NRXN3: variants seen among roughly 807,000 people sequenced by gnomAD.
The protein encoded by NRXN3 is neurexin 3.
NRXN3 carries 32 observed loss-of-function variants against 137.6 expected under a neutral mutation model. The ratio of observed to expected loss-of-function variants is 0.23; its 90% confidence interval spans 0.18 to 0.31. The LOEUF is 0.31. Among genes scored for constraint, NRXN3 ranks in the 10% least tolerant of loss-of-function variants. The pLI, the probability that NRXN3 is intolerant of heterozygous loss-of-function variation, is 1.00. For missense variants in NRXN3, 1,574 were observed against 2,062.5 expected (o/e 0.76, Z 4.59); for synonymous variants, 798 against 784.5 (o/e 1.02, Z -0.29).
At chr14:78,206,186 C>T (rs966596145) in intron 1 of NRXN3, among the ~76,000 whole-genome samples, 2 of 152,146 alleles carry the variant, frequency 1.3e-5, no homozygotes, top group African/African-American at 4.8e-5. Flanking sequence ...CACTTTTTTC[C>T]TCTGACACCA....
intron 10 of NRXN3, among the ~76,000 whole-genome samples, chr14:78,859,231 C>T (rs780561122): frequency 3.3e-5 from 5 of 152,100 alleles, no homozygotes; most frequent in Non-Finnish European, 7.4e-5. Context: ...CCTGAGGCCT[C>T]CCCAGCCTTG....
chr14:78,464,845 G>A (rs1012510435), intron 4 of NRXN3, among the ~76,000 whole-genome samples: 7 of 152,082 alleles, frequency 4.6e-5, no homozygotes, highest in African/African-American at 1.2e-4. Context: ...GGCCATATAC[G>A]TAAATGCTAT....
intron 16 of NRXN3, among the ~76,000 whole-genome samples, chr14:79,598,631 G>A (rs2097888130): frequency 6.6e-6 from 1 of 152,196 alleles, no homozygotes; most frequent in Non-Finnish European, 1.5e-5. Flanking sequence ...TTGGCTAGAA[G>A]CCTAAGCAGA....
At chr14:79,458,728 G>C (rs2096288235) in intron 15 of NRXN3, among the ~76,000 whole-genome samples, 1 of 152,132 alleles carries the variant, frequency 6.6e-6, no homozygotes, top group Admixed American at 6.5e-5. Flanking sequence ...AAACTAGCAT[G>C]GTTATGAAAG....
At chr14:78,399,315 A>G (rs1482748967) in intron 4 of NRXN3, among the ~76,000 whole-genome samples, 1 of 152,192 alleles carries the variant, frequency 6.6e-6, no homozygotes, top group Non-Finnish European at 1.5e-5. Context: ...TATATATAGT[A>G]TCTAGAGTTT....
intron 4 of NRXN3, among the ~76,000 whole-genome samples, chr14:78,349,327 A>G (rs1399407922): frequency 6.6e-6 from 1 of 152,320 alleles, no homozygotes; most frequent in South Asian, 2.1e-4. Flanking sequence ...TCCTGGGGAT[A>G]CAGGACATTT....
At chr14:79,506,242 G>T (rs2096877139) in intron 16 of NRXN3, among the ~76,000 whole-genome samples, 2 of 152,166 alleles carry the variant, frequency 1.3e-5, no homozygotes, top group Admixed American at 6.5e-5. Flanking sequence ...CAAGAAGCAG[G>T]ATCACTGGAG....
rs80031072 is a variant in NRXN3 at position 78,427,694 on chromosome 14, C to T, written c.757+129834C>T. On this transcript the variant is annotated intron_variant, in intron 4 of 20. Coordinates refer to ENST00000335750, the MANE Select transcript of NRXN3 (RefSeq NM_001330195.2). ...ACATGGAGGCTGCATATCACTTAGA[C>T]TAAGTGGGACAGAGTCTCCCTTGGA... 5.7e-3 allele frequency among the ~76,000 whole-genome samples: 862 copies of T among 152,300 alleles called. 29 individuals are homozygous for T. The East Asian group carries it at 0.067, about 12-fold the overall frequency.
chr14:78,576,891 C>G (rs565038755), intron 4 of NRXN3, among the ~76,000 whole-genome samples: 7 of 152,136 alleles, frequency 4.6e-5, no homozygotes, highest in Non-Finnish European at 1.0e-4. Context: ...CTGAACCAAC[C>G]CCACTAATGG....
intron 10 of NRXN3, among the ~76,000 whole-genome samples, chr14:78,907,146 A>G (rs554052655): frequency 4.7e-4 from 71 of 152,058 alleles, no homozygotes; most frequent in Non-Finnish European, 8.7e-4. Context: ...TTTATTTACT[A>G]TTGAAATTGG....
chr14:78,978,051 G>T lies in NRXN3; in HGVS notation c.3142+9705G>T, dbSNP rs539388516. 5.9e-5 allele frequency among the ~76,000 whole-genome samples: 9 copies of T among 152,192 alleles called. No homozygotes were observed. In the East Asian group the frequency reaches 1.7e-3, roughly 29 times the overall value. ...ATTTTATACCCAACGTATTATGAGAGGGTTGAAGTGGTTGAAGAGAAAAGG... is the reference window on the plus strand; with the variant it reads ...ATTTTATACCCAACGTATTATGAGATGGTTGAAGTGGTTGAAGAGAAAAGG... On this transcript the variant is annotated intron_variant, in intron 14 of 20. Coordinates refer to ENST00000335750, the MANE Select transcript of NRXN3 (RefSeq NM_001330195.2).
chr14:78,446,756 G>C (rs890156218), intron 4 of NRXN3, among the ~76,000 whole-genome samples: 4 of 152,220 alleles, frequency 2.6e-5, no homozygotes, highest in Admixed American at 6.5e-5. Context: ...AGCTGCCCTG[G>C]TTAAAGATCG....
At chr14:78,465,438 T>C (rs1434135070) in intron 4 of NRXN3, among the ~76,000 whole-genome samples, 2 of 152,214 alleles carry the variant, frequency 1.3e-5, no homozygotes, top group Non-Finnish European at 2.9e-5. Context: ...ACTAGATCTA[T>C]AATATTATCC....
intron 4 of NRXN3, among the ~76,000 whole-genome samples, chr14:78,368,004 A>G (rs900031006): frequency 1.3e-5 from 2 of 152,256 alleles, no homozygotes; most frequent in African/African-American, 4.8e-5. Context: ...CAAACAATTC[A>G]TATGCTAATT....
chr14:79,714,558 T>C (rs1044368957), intron 19 of NRXN3, among the ~76,000 whole-genome samples: 2 of 151,844 alleles, frequency 1.3e-5, no homozygotes, highest in African/African-American at 4.9e-5. Context: ...GGGAGATTCT[T>C]GTTTTTTTTA....
intron 15 of NRXN3, among the ~76,000 whole-genome samples, chr14:79,153,482 C>T (rs2059981387): frequency 6.6e-6 from 1 of 151,870 alleles, no homozygotes; most frequent in South Asian, 2.1e-4. Flanking sequence ...TTGATCCACC[C>T]ATTGAGCTAC....
chr14:79,551,655 C>T (rs113943238), intron 16 of NRXN3, among the ~76,000 whole-genome samples: 5 of 152,222 alleles, frequency 3.3e-5, no homozygotes, highest in African/African-American at 9.6e-5. Context: ...GCGTGGACTC[C>T]AGTGTTTAGC....
chr14:78,852,861 G>A (rs1373617432), intron 10 of NRXN3, among the ~76,000 whole-genome samples: 1 of 150,686 alleles, frequency 6.6e-6, no homozygotes, highest in African/African-American at 2.4e-5. Context: ...CACATTTTGT[G>A]TGTGTGTGGT....
intron 4 of NRXN3, among the ~76,000 whole-genome samples, chr14:78,627,256 TG>T (rs2097473803): frequency 2.6e-5 from 4 of 152,006 alleles, no homozygotes; most frequent in Admixed American, 6.6e-5. Flanking sequence ...TTGAGCACAG[TG>T]GGAAAGGTCA....
Sources: allele counts gnomAD v4.1 joint callset (sites outside exome capture counted in the v4.1 genomes callset), GRCh38; gene constraint gnomAD v4.1.1; transcripts MANE v1.5; gene names NCBI Gene and HGNC (gene_info 2026-07-23, HGNC 2026-07-21).